ADGRL3: variants seen among roughly 807,000 people sequenced by gnomAD.
The protein encoded by ADGRL3 is adhesion G protein-coupled receptor L3.
In ADGRL3, 62 loss-of-function variants were observed where a neutral mutation model predicts 153.5. The ratio of observed to expected loss-of-function variants is 0.40; its 90% confidence interval spans 0.33 to 0.50. ADGRL3 has a LOEUF of 0.50. ADGRL3 is among the 20% of genes least tolerant of loss of function. The pLI, the probability that ADGRL3 is intolerant of heterozygous loss-of-function variation, is 0.47. For missense variants in ADGRL3, 1,641 were observed against 1,859.4 expected (o/e 0.88, Z 2.16); for synonymous variants, 710 against 672.5 (o/e 1.06, Z -0.86).
chr4:61,861,477 C>T (rs1353264144), intron 9 of ADGRL3, among the ~76,000 whole-genome samples: 4 of 152,022 alleles, frequency 2.6e-5, no homozygotes, highest in African/African-American at 7.2e-5. Flanking sequence ...GATTGAGCAA[C>T]AATCTTGACA....
chr4:61,584,317 T>G (rs1479892102), intron 4 of ADGRL3, among the ~76,000 whole-genome samples: 1 of 151,982 alleles, frequency 6.6e-6, no homozygotes, highest in Non-Finnish European at 1.5e-5. Flanking sequence ...ACTCTGGTAC[T>G]CCATAAAAAT....
At chr4:61,714,920 A>G (rs1392302054) in intron 6 of ADGRL3, among the ~76,000 whole-genome samples, 1 of 152,154 alleles carries the variant, frequency 6.6e-6, no homozygotes, top group African/African-American at 2.4e-5. Context: ...CTGGAATGCT[A>G]TGTCACATAG....
At chr4:61,736,725 C>T (rs1264100867) in intron 8 of ADGRL3, among the ~76,000 whole-genome samples, 1 of 152,136 alleles carries the variant, frequency 6.6e-6, no homozygotes, top group Non-Finnish European at 1.5e-5. Flanking sequence ...TAGACTTCAG[C>T]TTTTAAAATG....
Position 61,813,959 on chromosome 4 carries a change from A to G in ADGRL3, c.1480+70A>G, listed in dbSNP as rs2097659390. ...TTGATGAAAGCAATGATGGTTGTACATATGTATTTTGTAATGCAGTGCCTG... is the reference window on the plus strand; with the variant it reads ...TTGATGAAAGCAATGATGGTTGTACGTATGTATTTTGTAATGCAGTGCCTG... On this transcript the variant is annotated intron_variant, in intron 9 of 26. Transcript: ENST00000683033. 4 of 1,574,314 alleles carry G rather than the reference A, an allele frequency of 2.5e-6. No individual in the cohort carries two copies. In the South Asian group the frequency reaches 3.5e-5, roughly 14 times the overall value.
At position 61,432,267 on chromosome 4, in the gene ADGRL3, A is replaced by C. The variant is rs142317260; in HGVS notation, c.-174+49078A>C. ...ATGTCATATTAGCCTGGTTATGACT[A>C]TTCTCCTTTGCCACGTTTCTTTCAT... On this transcript the variant is annotated intron_variant, in intron 2 of 26. Transcript: ENST00000683033. Among the ~76,000 whole-genome samples, 1,059 of 152,282 alleles carry C rather than the reference A, an allele frequency of 7.0e-3. 17 individuals are homozygous for C. The highest frequency in any genetic ancestry group is 8.3e-3 in the Non-Finnish European group (562 of 68,020).
chr4:61,304,333 T>C (rs1044628859), intron 1 of ADGRL3, among the ~76,000 whole-genome samples: 1 of 152,254 alleles, frequency 6.6e-6, no homozygotes, highest in African/African-American at 2.4e-5. Context: ...ATTCTCTCTA[T>C]GTGTTTAAGA....
intron 1 of ADGRL3, among the ~76,000 whole-genome samples, chr4:61,311,075 C>T (rs923300414): frequency 3.2e-4 from 49 of 152,036 alleles, no homozygotes; most frequent in African/African-American, 1.1e-3. Flanking sequence ...TTTCTGAGCT[C>T]CTCATCCTGA....
At chr4:61,743,048 C>T (rs1227531677) in intron 8 of ADGRL3, among the ~76,000 whole-genome samples, 2 of 150,764 alleles carry the variant, frequency 1.3e-5, no homozygotes, top group Admixed American at 6.6e-5. Flanking sequence ...TGGCTGGGCT[C>T]GGTGGCTCAT....
At chr4:61,428,033 T>G (rs2097304217) in intron 2 of ADGRL3, 2 of 153,088 alleles carry the variant, frequency 1.3e-5, no homozygotes, top group South Asian at 4.1e-4. Context: ...CAACCCATGC[T>G]GAGACCACAT....
chr4:61,815,268 A>T (rs900034570), intron 9 of ADGRL3, among the ~76,000 whole-genome samples: 1 of 152,206 alleles, frequency 6.6e-6, no homozygotes, highest in Non-Finnish European at 1.5e-5. Context: ...TGGATTCTGT[A>T]TCCCATACCA....
At chr4:61,632,731 A>G (rs1283176541) in intron 5 of ADGRL3, among the ~76,000 whole-genome samples, 3 of 152,192 alleles carry the variant, frequency 2.0e-5, no homozygotes, top group Admixed American at 1.3e-4. Flanking sequence ...TTGTTTCCTT[A>G]TAAAGTATAA....
intron 5 of ADGRL3, among the ~76,000 whole-genome samples, chr4:61,605,869 T>A (rs7660587): frequency 0.022 from 3,285 of 152,200 alleles, 94 homozygotes; most frequent in East Asian, 0.12. Flanking sequence ...TAAGCCTTCA[T>A]CTAAGATATT....
chr4:61,672,440 A>G (rs1009335622), intron 5 of ADGRL3, among the ~76,000 whole-genome samples: 3 of 152,102 alleles, frequency 2.0e-5, no homozygotes, highest in Admixed American at 6.6e-5. Flanking sequence ...TATCCAGTGT[A>G]TATCAGGAAT....
chr4:61,700,952 C>T (rs2095746735), intron 6 of ADGRL3, among the ~76,000 whole-genome samples: 1 of 152,088 alleles, frequency 6.6e-6, no homozygotes, highest in South Asian at 2.1e-4. Flanking sequence ...CTTCTTTAAC[C>T]CCACTTGTAA....
At chr4:61,773,803 C>T (rs771624255) in intron 8 of ADGRL3, among the ~76,000 whole-genome samples, 15 of 151,828 alleles carry the variant, frequency 9.9e-5, no homozygotes, top group African/African-American at 2.2e-4. Context: ...AGTAACTCAA[C>T]GGGGTGATTG....
intron 1 of ADGRL3, among the ~76,000 whole-genome samples, chr4:61,329,788 TTAATA>T (rs1162846460): frequency 6.6e-6 from 1 of 152,184 alleles, no homozygotes; most frequent in South Asian, 2.1e-4. Flanking sequence ...TATGGAGTGT[TTAATA>T]TAAACAATGC....
intron 11 of ADGRL3, among the ~76,000 whole-genome samples, chr4:61,907,985 C>A (rs1560357722): frequency 1.3e-5 from 2 of 152,096 alleles, no homozygotes; most frequent in Non-Finnish European, 2.9e-5. Flanking sequence ...GATAGTAGGA[C>A]AGGTTAAAGT....
At chr4:61,657,169 A>G (rs2094464173) in intron 5 of ADGRL3, among the ~76,000 whole-genome samples, 1 of 152,064 alleles carries the variant, frequency 6.6e-6, no homozygotes, top group Admixed American at 6.6e-5. Flanking sequence ...TTTCCCCATC[A>G]TTTTTATATA....
Position 62,078,059 on chromosome 4 carries a change from A to C in ADGRL3, c.*7151A>C, listed in dbSNP as rs573564697. ...AAAATATGTCTTTCTAAAAAACAAT[A>C]GTTTATTTTTAAAACTAACAACTAA... On this transcript the variant is annotated 3_prime_UTR_variant, in exon 27 of 27. Coordinates refer to ENST00000683033, the MANE Select transcript of ADGRL3 (RefSeq NM_001387552.1). The C allele has an allele frequency of 6.6e-6, 1 of 152,150 alleles. No individual in the cohort carries two copies. Among genetic ancestry groups the C allele is most frequent in the Non-Finnish European group, 1.5e-5 (1 of 67,916 alleles). 9.4% of individuals were successfully genotyped at this position (152,150 alleles called of 1,614,324 possible).
Sources: gnomAD v4.1 joint callset for allele counts (sites outside exome capture counted in the v4.1 genomes callset) on GRCh38, gnomAD v4.1.1 for gene constraint, MANE v1.5 for transcripts, NCBI Gene and HGNC (gene_info 2026-07-23, HGNC 2026-07-21) for gene names.